Variants in SNTB1 observed in about 807,000 individuals in gnomAD.
SNTB1 encodes the protein syntrophin beta 1.
Under a neutral mutation model 48.9 loss-of-function variants are expected in SNTB1, and 36 were observed. The observed-to-expected ratio is 0.74, with a 90% CI of 0.56 to 0.97. The LOEUF is 0.97. Ranked by LOEUF, SNTB1 falls within the 50% of genes least tolerant of loss-of-function variation. SNTB1 has a pLI of 0.00. For missense variants in SNTB1, 786 were observed against 703.4 expected, an observed-to-expected ratio of 1.12 and a Z score of -1.33; for synonymous variants, 299 against 294.6, an observed-to-expected ratio of 1.01 and a Z score of -0.15.
chr8:120,623,134 C>T (rs1026897915), intron 3 of SNTB1, among the ~76,000 whole-genome samples: 3 of 152,218 alleles, frequency 2.0e-5, no homozygotes, highest in African/African-American at 7.2e-5. Context: ...TCACTCACTT[C>T]CTTACAGGTT....
At chr8:120,542,728 A>G (rs1047541096) in intron 5 of SNTB1, among the ~76,000 whole-genome samples, 9 of 147,616 alleles carry the variant, frequency 6.1e-5, no homozygotes, top group Admixed American at 3.4e-4. Flanking sequence ...ACACACACAC[A>G]CGCACACACA....
chr8:120,640,448 T>TC (rs1465603112), intron 2 of SNTB1, among the ~76,000 whole-genome samples: 1 of 152,216 alleles, frequency 6.6e-6, no homozygotes, highest in African/African-American at 2.4e-5. Context: ...GGCATCCCTG[T>TC]CTTGTGCCAG....
chr8:120,671,671 T>C (rs1287995014), intron 2 of SNTB1, among the ~76,000 whole-genome samples: 1 of 152,222 alleles, frequency 6.6e-6, no homozygotes, highest in Non-Finnish European at 1.5e-5. Flanking sequence ...TATGAGAGAA[T>C]ACATTTCTAT....
chr8:120,690,000 T>A (rs763092489), intron 2 of SNTB1, among the ~76,000 whole-genome samples: 7 of 152,210 alleles, frequency 4.6e-5, no homozygotes, highest in South Asian at 2.1e-4. Context: ...GTCTTCCATA[T>A]AATTATAGTA....
chr8:120,750,464 A>G (rs1167261153), intron 1 of SNTB1, among the ~76,000 whole-genome samples: 1 of 152,092 alleles, frequency 6.6e-6, no homozygotes, highest in Non-Finnish European at 1.5e-5. Flanking sequence ...AACACACAAA[A>G]TTCTTATCAT....
chr8:120,576,658 C>T (rs751823000), intron 3 of SNTB1, among the ~76,000 whole-genome samples: 6 of 152,080 alleles, frequency 3.9e-5, no homozygotes, highest in East Asian at 1.9e-4. Context: ...AGTGCTGACT[C>T]GGGAGCTAGC....
intron 1 of SNTB1, among the ~76,000 whole-genome samples, chr8:120,755,171 T>TGAGA (rs35915373): frequency 4.3e-5 from 4 of 92,876 alleles, no homozygotes; most frequent in Non-Finnish European, 6.6e-5. Context: ...TGTGTGTGTG[T>TGAGA]GAGAGAGAGA....
intron 1 of SNTB1, among the ~76,000 whole-genome samples, chr8:120,800,224 T>C (rs746223335): frequency 1.1e-4 from 17 of 152,046 alleles, no homozygotes; most frequent in Non-Finnish European, 2.4e-4. Flanking sequence ...GCTTAGCAAA[T>C]TGATTAACAA....
At chr8:120,586,983 G>A (rs577919138) in intron 3 of SNTB1, among the ~76,000 whole-genome samples, 1 of 152,332 alleles carries the variant, frequency 6.6e-6, no homozygotes, top group South Asian at 2.1e-4. Context: ...CACTTTGGGA[G>A]GCCGAGGCGG....
chr8:120,762,995 G>A (rs1819448011), intron 1 of SNTB1, among the ~76,000 whole-genome samples: 1 of 152,186 alleles, frequency 6.6e-6, no homozygotes, highest in African/African-American at 2.4e-5. Flanking sequence ...TGGGGAAGCT[G>A]AGGCTCAGAG....
chr8:120,637,613 C>T, intron 2 of SNTB1: 1 of 249,982 alleles, frequency 4.0e-6, no homozygotes, highest in South Asian at 4.1e-5. Flanking sequence ...CTGCAGCTCC[C>T]AAGCATAAAA....
intron 2 of SNTB1, among the ~76,000 whole-genome samples, chr8:120,654,166 T>C (rs1055155047): frequency 6.4e-5 from 9 of 140,816 alleles, no homozygotes; most frequent in African/African-American, 2.1e-4. Context: ...GGAACATACA[T>C]AAAGCATGCT....
At chr8:120,661,696 G>T (rs779457091) in intron 2 of SNTB1, among the ~76,000 whole-genome samples, 1 of 152,054 alleles carries the variant, frequency 6.6e-6, no homozygotes, top group Non-Finnish European at 1.5e-5. Flanking sequence ...CCCTCCCTGT[G>T]TCCATGTGAT....
At chr8:120,614,752 A>AT (rs914483498) in intron 3 of SNTB1, among the ~76,000 whole-genome samples, 27 of 151,376 alleles carry the variant, frequency 1.8e-4, no homozygotes, top group Admixed American at 9.9e-4. Flanking sequence ...AGGTGGAGGG[A>AT]TTTTTTTTTA....
chr8:120,583,292 G>A (rs1457325716), intron 3 of SNTB1, among the ~76,000 whole-genome samples: 1 of 152,028 alleles, frequency 6.6e-6, no homozygotes, highest in African/African-American at 2.4e-5. Context: ...ATCACCTGAG[G>A]TCAGGAGGTC....
intron 1 of SNTB1, among the ~76,000 whole-genome samples, chr8:120,788,671 T>G (rs183541607): frequency 1.3e-5 from 2 of 151,920 alleles, no homozygotes; most frequent in Admixed American, 6.6e-5. Context: ...GATAAAATGA[T>G]CAATTCAACA....
At chr8:120,755,014 A>C (rs567122560) in intron 1 of SNTB1, among the ~76,000 whole-genome samples, 104 of 152,118 alleles carry the variant, frequency 6.8e-4, no homozygotes, top group Non-Finnish European at 1.2e-3. Context: ...AATACAAGCA[A>C]CCTTTGTATC....
At chr8:120,548,980 C>G (rs1213456879) in intron 4 of SNTB1, 22 bp from the exon 5 acceptor site, 6 of 1,460,724 alleles carry the variant, frequency 4.1e-6, no homozygotes, top group Non-Finnish European at 5.6e-6. Flanking sequence ...GAGAGAGAGA[C>G]ATCATCAAAA....
intron 4 of SNTB1, among the ~76,000 whole-genome samples, chr8:120,549,547 G>A (rs1815443562): frequency 6.6e-6 from 1 of 152,228 alleles, no homozygotes; most frequent in Admixed American, 6.5e-5. Flanking sequence ...GTATGGAACT[G>A]CACTTTAGGG....
Sources: allele counts gnomAD v4.1 joint callset (sites outside exome capture counted in the v4.1 genomes callset), GRCh38; gene constraint gnomAD v4.1.1; transcripts MANE v1.5; gene names NCBI Gene and HGNC (gene_info 2026-07-23, HGNC 2026-07-21).